DOCK1: variants seen among roughly 807,000 people sequenced by gnomAD.
The protein encoded by DOCK1 is dedicator of cytokinesis 1.
Under a neutral mutation model 262.7 loss-of-function variants are expected in DOCK1, and 138 were observed. The ratio of observed to expected loss-of-function variants is 0.53; its 90% CI spans 0.46 to 0.61. DOCK1 has a LOEUF of 0.61. Among genes scored for constraint, DOCK1 ranks in the 20% least tolerant of loss-of-function variants. The pLI is 0.00. For missense variants in DOCK1, 1,908 were observed against 2,370.7 expected (o/e 0.80, Z 4.05); for synonymous variants, 866 against 867.4 (o/e 1.00, Z 0.03).
intron 22 of DOCK1, among the ~76,000 whole-genome samples, chr10:127,055,803 A>G (rs752707060): frequency 6.6e-6 from 1 of 152,178 alleles, no homozygotes. Flanking sequence ...GGCATGGTTT[A>G]GTCCTACCAG....
In DOCK1 at chr10:127,127,660, C is replaced by G. The variant is rs2050048426; in HGVS notation, c.2752-9C>G. 1 of 1,609,702 alleles carries G rather than the reference C, an allele frequency of 6.2e-7. No homozygotes were observed. Among genetic ancestry groups the G allele is most frequent in the Non-Finnish European group, 8.5e-7 (1 of 1,176,680 alleles). On this transcript the variant is annotated splice_polypyrimidine_tract_variant and intron_variant, in intron 26 of 51. Transcript: ENST00000623213. ...TGGTGTTGGTGTTCATTGGTGTGTC[C>G]TTCCCCAGGGGCCAACCCAGAGGCA...
At chr10:127,443,352 A>G (rs1021778822) in intron 49 of DOCK1, among the ~76,000 whole-genome samples, 1 of 152,212 alleles carries the variant, frequency 6.6e-6, no homozygotes, top group Non-Finnish European at 1.5e-5. Flanking sequence ...TTAAGGAAAT[A>G]AAAGTAGCAT....
At chr10:127,202,208 A>T (rs1176175987) in intron 27 of DOCK1, among the ~76,000 whole-genome samples, 2 of 152,130 alleles carry the variant, frequency 1.3e-5, no homozygotes, top group African/African-American at 4.8e-5. Flanking sequence ...CTGTAATCCC[A>T]GCTAGTCGGT....
At chr10:127,190,684 G>A (rs1447406737) in intron 27 of DOCK1, among the ~76,000 whole-genome samples, 2 of 46,224 alleles carry the variant, frequency 4.3e-5, no homozygotes, top group Non-Finnish European at 7.7e-5. Context: ...CCCCCCCCCC[G>A]TTCCTGCTGG....
intron 1 of DOCK1, among the ~76,000 whole-genome samples, chr10:126,917,521 C>A (rs1195695709): frequency 6.6e-6 from 1 of 152,168 alleles, no homozygotes; most frequent in Non-Finnish European, 1.5e-5. Flanking sequence ...CAGCTGGGTG[C>A]CTGGCTGGTC....
At chr10:127,142,222 G>A (rs2051329623) in intron 27 of DOCK1, among the ~76,000 whole-genome samples, 1 of 152,244 alleles carries the variant, frequency 6.6e-6, no homozygotes, top group Non-Finnish European at 1.5e-5. Flanking sequence ...GGCGGCTCCA[G>A]TGCAGGGGCT....
chr10:127,445,565 C>T (rs553425005), intron 50 of DOCK1, among the ~76,000 whole-genome samples: 2 of 152,304 alleles, frequency 1.3e-5, no homozygotes, highest in South Asian at 2.1e-4. Flanking sequence ...TGAAAACAGA[C>T]ACCATCACTG....
At chr10:127,152,531 C>CT (rs369822392) in intron 27 of DOCK1, among the ~76,000 whole-genome samples, 76 of 152,320 alleles carry the variant, frequency 5.0e-4, no homozygotes, top group African/African-American at 1.8e-3. Flanking sequence ...TTACAACACT[C>CT]TAAGGTGGGG....
intron 27 of DOCK1, among the ~76,000 whole-genome samples, chr10:127,234,445 A>C (rs1039449310): frequency 5.9e-5 from 9 of 152,252 alleles, no homozygotes; most frequent in African/African-American, 2.2e-4. Flanking sequence ...AAGACACAAA[A>C]ATAAAAGGAG....
chr10:127,222,690 G>A (rs528049656), intron 27 of DOCK1, among the ~76,000 whole-genome samples: 3 of 149,460 alleles, frequency 2.0e-5, no homozygotes, highest in Admixed American at 6.7e-5. Context: ...TGTGGAGACA[G>A]GATCTTGCTC....
At chr10:126,943,832 G>A (rs1204367923) in intron 1 of DOCK1, among the ~76,000 whole-genome samples, 1 of 152,112 alleles carries the variant, frequency 6.6e-6, no homozygotes, top group East Asian at 1.9e-4. Context: ...AGGGCCCTGA[G>A]GTGCAAGAGT....
rs2069790167 is a variant in DOCK1 at position 127,437,700 on chromosome 10, A to G, written c.5061-1327A>G. ...TGCCATGTTGGCCAGGCTGGTCTCGAACTCCTGAGCTCAAATGATCCACCT... is the reference window on the plus strand; with the variant it reads ...TGCCATGTTGGCCAGGCTGGTCTCGGACTCCTGAGCTCAAATGATCCACCT... On this transcript the variant is annotated intron_variant, in intron 48 of 51. Coordinates refer to ENST00000623213, the MANE Select transcript of DOCK1 (RefSeq NM_001290223.2). This position sits in a 1 kb window ranked among gnomAD's most constrained non-coding sequence, Gnocchi z 4.4. 1.3e-5 allele frequency among the ~76,000 whole-genome samples: 2 copies of G among 152,056 alleles called. 1 individual carries two copies. The highest frequency in any genetic ancestry group is 4.1e-4 in the South Asian group (2 of 4,820).
At chr10:127,402,766 A>G (rs2067297292) in intron 38 of DOCK1, 2 of 573,228 alleles carry the variant, frequency 3.5e-6, no homozygotes, top group African/African-American at 1.8e-5. Context: ...GCAGCAGGAG[A>G]GCAAAGACAG....
chr10:127,400,506 C>G (rs1343080082), intron 38 of DOCK1, among the ~76,000 whole-genome samples: 1 of 152,194 alleles, frequency 6.6e-6, no homozygotes, highest in Non-Finnish European at 1.5e-5. Context: ...CCATCAGGAG[C>G]AAGGACTTTC....
At chr10:127,029,972 TA>T (rs1243709468) in intron 16 of DOCK1, among the ~76,000 whole-genome samples, 2 of 152,194 alleles carry the variant, frequency 1.3e-5, no homozygotes, top group East Asian at 3.9e-4. Context: ...TTTACAGAGT[TA>T]TTTTTTTAGA....
intron 29 of DOCK1, among the ~76,000 whole-genome samples, chr10:127,283,087 G>A (rs949698452): frequency 6.6e-6 from 1 of 152,240 alleles, no homozygotes; most frequent in Non-Finnish European, 1.5e-5. Flanking sequence ...AGCGTTACGT[G>A]GTCTGTGACC....
chr10:127,243,796 T>C (rs1188554664), intron 27 of DOCK1, among the ~76,000 whole-genome samples: 1 of 152,154 alleles, frequency 6.6e-6, no homozygotes, highest in Non-Finnish European at 1.5e-5. Context: ...AGGGAGAGTT[T>C]GTCCCTCCTG....
In DOCK1 at chr10:127,043,645, T is replaced by A. The variant is rs577893109; in HGVS notation, c.2201+481T>A. On this transcript the variant is annotated intron_variant, in intron 21 of 51. Coordinates refer to ENST00000623213, the MANE Select transcript of DOCK1 (RefSeq NM_001290223.2). ...AGCTTCAGCTGTCACTGTCTTGGAT[T>A]CCTTCTATCCACCCCTCTGCCCGTC... Among the ~76,000 whole-genome samples, 4 of 152,324 alleles carry A rather than the reference T, an allele frequency of 2.6e-5. No homozygotes were observed. In the East Asian group the frequency reaches 7.7e-4, roughly 29 times the overall value.
intron 38 of DOCK1, among the ~76,000 whole-genome samples, chr10:127,389,755 C>T (rs2066359322): frequency 6.6e-6 from 1 of 152,100 alleles, no homozygotes; most frequent in Non-Finnish European, 1.5e-5. Flanking sequence ...GTGGCTCATG[C>T]CTGTAATCCC....
Sources: gnomAD v4.1 joint callset for allele counts (sites outside exome capture counted in the v4.1 genomes callset) on GRCh38, gnomAD v4.1.1 for gene constraint, Gnocchi (gnomAD v3.1) non-coding constraint, MANE v1.5 for transcripts, NCBI Gene and HGNC (gene_info 2026-07-23, HGNC 2026-07-21) for gene names.